PHC2: variants seen among roughly 807,000 people sequenced by gnomAD.
The protein encoded by PHC2 is polyhomeotic-like protein 2.
A neutral mutation model predicts 87.4 loss-of-function variants in PHC2; 29 were observed. The ratio of observed to expected loss-of-function variants is 0.33; its 90% confidence interval spans 0.25 to 0.45. The LOEUF is 0.45. PHC2 is among the 20% of genes least tolerant of loss of function. PHC2 has a pLI of 1.00. For missense variants in PHC2, 857 were observed against 1,136.7 expected, an observed-to-expected ratio of 0.75 and a Z score of 3.54; for synonymous variants, 438 against 461.7, an observed-to-expected ratio of 0.95 and a Z score of 0.66.
In PHC2 at chr1:33,337,947, T is replaced by C. The variant is rs560297345; in HGVS notation, c.1559-3655A>G. 1.4e-4 allele frequency among the ~76,000 whole-genome samples: 22 copies of C among 152,358 alleles called. No individual in the cohort carries two copies. In the East Asian group the frequency reaches 3.7e-3, roughly 25 times the overall value. The stretch of plus-strand genomic sequence containing the variant: ...GGTAGAAAGTATTAATTCCCTTGTT[T>C]CAGTTTAATGAATTCTTCCATGGAA... On this transcript the variant is annotated intron_variant, in intron 9 of 14. Transcript: ENST00000683057.
rs746495512 is a variant in PHC2 at position 33,331,338 on chromosome 1, G to A, written c.2006+10C>T. The A allele has an allele frequency of 3.4e-6, 5 of 1,469,648 alleles. No homozygotes were observed. Among genetic ancestry groups the A allele is most frequent in the African/African-American group, 1.4e-5 (1 of 72,106 alleles). The allele number at this position is 1,469,648 out of a possible 1,614,324, so 91.0% of individuals were successfully genotyped here. ...GTCCTGGGGAAATGGAGGGGGCTGG[G>A]GCCACTCACCTCTTTGCACAAGCCA... On this transcript the variant is annotated intron_variant, in intron 12 of 14. Transcript: ENST00000683057. This position sits in a 1 kb window ranked among gnomAD's most constrained non-coding sequence, Gnocchi z 5.2.
intron 1 of PHC2, among the ~76,000 whole-genome samples, chr1:33,398,537 T>C (rs1002837555): frequency 5.3e-5 from 8 of 152,210 alleles, no homozygotes; most frequent in Non-Finnish European, 1.0e-4. Context: ...ATCCTTTTCT[T>C]TATTTTCCAA....
chr1:33,409,396 CT>C (rs1255708089), intron 1 of PHC2, among the ~76,000 whole-genome samples: 1 of 151,734 alleles, frequency 6.6e-6, no homozygotes, highest in Admixed American at 6.6e-5. Flanking sequence ...GTAACAAGAT[CT>C]TTTTTTAAAT....
rs1041955904 is a variant in PHC2, at chr1:33,391,681, T to G, written c.-54-16088A>C. 3.3e-5 allele frequency among the ~76,000 whole-genome samples: 5 copies of G among 151,674 alleles called. 1 individual carries two copies. The highest frequency in any genetic ancestry group is 1.2e-4 in the African/African-American group (5 of 41,352). ...AAAAAAAAAAAGGCAGTGCTTCTAT[T>G]TTATCATTTAAATTAAATGCCTTCT... On this transcript the variant is annotated intron_variant, in intron 1 of 14. Coordinates refer to ENST00000683057, the MANE Select transcript of PHC2 (RefSeq NM_001385109.1).
rs377578946 is a variant in PHC2, at chr1:33,402,558, CA to C, written c.-54-26966del. Reference sequence around the variant, plus strand: ...AACTGGAAATGACCCAAATACCAATCAAAAGCAGAATGTAAAAATACATTAT... The same window carrying C: ...AACTGGAAATGACCCAAATACCAATCAAAGCAGAATGTAAAAATACATTAT... On this transcript the variant is annotated intron_variant, in intron 1 of 14. Transcript: ENST00000683057. Among the ~76,000 whole-genome samples the C allele has an allele frequency of 3.2e-4, 49 of 152,130 alleles. No homozygotes were observed. The East Asian group carries it at 7.0e-3, about 22-fold the overall frequency.
intron 1 of PHC2, among the ~76,000 whole-genome samples, chr1:33,389,429 ACTC>A (rs1234030371): frequency 4.6e-5 from 7 of 151,704 alleles, no homozygotes; most frequent in African/African-American, 1.7e-4. Context: ...TCCTTTCTCT[ACTC>A]CTTTCCTCCA....
At chr1:33,414,866 G>A (rs893581810) in intron 1 of PHC2, among the ~76,000 whole-genome samples, 7 of 152,158 alleles carry the variant, frequency 4.6e-5, no homozygotes, top group African/African-American at 1.7e-4. Flanking sequence ...CAATATGTAA[G>A]TTCTCTAAAA....
chr1:33,415,333 T>C (rs149737553), intron 1 of PHC2, among the ~76,000 whole-genome samples: 1 of 152,144 alleles, frequency 6.6e-6, no homozygotes, highest in East Asian at 1.9e-4. Context: ...GGGCTGTAAA[T>C]AGTTTGTGTT....
rs1381144866 is a variant in PHC2, at chr1:33,331,656, G to GC, written c.1892-195dup. 1 of 482,120 alleles carries GC rather than the reference G, an allele frequency of 2.1e-6. No homozygotes were observed. Among genetic ancestry groups the GC allele is most frequent in the Non-Finnish European group, 3.7e-6 (1 of 272,836 alleles). The allele number at this position is 482,120 out of a possible 1,614,324, so 29.9% of individuals were successfully genotyped here. A position where few individuals can be genotyped will look rare whatever the true frequency, so the allele number is the denominator to read the frequency against. On this transcript the variant is annotated intron_variant, in intron 11 of 14. Coordinates refer to ENST00000683057, the MANE Select transcript of PHC2 (RefSeq NM_001385109.1). This position sits in a 1 kb window ranked among gnomAD's most constrained non-coding sequence, Gnocchi z 5.2. Reference sequence around the variant, plus strand: ...AATGCACTCAAGGGTGTCTGGGGATGCCCCTTGTAGACTTGACATTTTTTT... The same window carrying GC: ...AATGCACTCAAGGGTGTCTGGGGATGCCCCCTTGTAGACTTGACATTTTTTT...
At position 33,332,247 on chromosome 1, in the gene PHC2, C is replaced by G; in HGVS notation, c.1891+28G>C. The G allele has an allele frequency of 1.2e-6, 2 of 1,613,782 alleles. No individual in the cohort carries two copies. Among genetic ancestry groups the G allele is most frequent in the Non-Finnish European group, 1.7e-6 (2 of 1,179,736 alleles). On this transcript the variant is annotated intron_variant, in intron 11 of 14. Coordinates refer to ENST00000683057, the MANE Select transcript of PHC2 (RefSeq NM_001385109.1). The surrounding 1 kb of genome is among the most constrained non-coding windows in gnomAD (Gnocchi z 4.2). The stretch of plus-strand genomic sequence containing the variant: ...TGCCTTTCCAGCCACGCTGGGAGGC[C>G]GAGAGATTCAGGGTCTGAGATGCCC...
intron 1 of PHC2, among the ~76,000 whole-genome samples, chr1:33,399,134 C>T (rs896467407): frequency 2.0e-5 from 3 of 152,160 alleles, no homozygotes; most frequent in Non-Finnish European, 4.4e-5. Context: ...GGATCCACCT[C>T]TGTCCTGCAT....
chr1:33,357,913 G>T (rs972240586), intron 7 of PHC2, among the ~76,000 whole-genome samples: 1 of 152,222 alleles, frequency 6.6e-6, no homozygotes, highest in African/African-American at 2.4e-5. Context: ...GGCTGCCTAT[G>T]TGAGGTGGGA....
At chr1:33,330,496 C>G (rs1646467322) in intron 12 of PHC2, among the ~76,000 whole-genome samples, 1 of 152,172 alleles carries the variant, frequency 6.6e-6, no homozygotes, top group South Asian at 2.1e-4. Context: ...GGACTTGGAC[C>G]AGGGCGAAAG....
intron 1 of PHC2, among the ~76,000 whole-genome samples, chr1:33,378,658 TTC>T: frequency 6.6e-6 from 1 of 152,228 alleles, no homozygotes; most frequent in Non-Finnish European, 1.5e-5. Flanking sequence ...TCTAGTCATA[TTC>T]TGACCTTCCC....
intron 1 of PHC2, among the ~76,000 whole-genome samples, chr1:33,387,865 G>A (rs1302493101): frequency 3.9e-5 from 6 of 152,208 alleles, no homozygotes; most frequent in African/African-American, 9.6e-5. Flanking sequence ...CCGCAGCAGC[G>A]TCAGTCTAAG....
chr1:33,356,265 A>ATATATG (rs1647075096), intron 7 of PHC2, among the ~76,000 whole-genome samples: 1 of 89,582 alleles, frequency 1.1e-5, no homozygotes, highest in Non-Finnish European at 2.4e-5. Context: ...ATATATATAT[A>ATATATG]TATATATATA....
In PHC2 at chr1:33,334,350, C is replaced by T. The variant is rs1024526516; in HGVS notation, c.1559-58G>A. ...GGAGATCAGAACCAGAGTCCACGCC[C>T]AGGGAGGGACAGCAAGGACTCAAAC... On this transcript the variant is annotated intron_variant, in intron 9 of 14. Coordinates refer to ENST00000683057, the MANE Select transcript of PHC2 (RefSeq NM_001385109.1). The surrounding 1 kb of genome is among the most constrained non-coding windows in gnomAD (Gnocchi z 5.5). The T allele has an allele frequency of 1.3e-6, 2 of 1,495,590 alleles. No homozygotes were observed. Among genetic ancestry groups the T allele is most frequent in the African/African-American group, 1.4e-5 (1 of 72,068 alleles). 92.6% of individuals were successfully genotyped at this position (1,495,590 alleles called of 1,614,324 possible).
At chr1:33,378,619 GT>G (rs1648301297) in intron 1 of PHC2, among the ~76,000 whole-genome samples, 1 of 152,170 alleles carries the variant, frequency 6.6e-6, no homozygotes, top group South Asian at 2.1e-4. Context: ...TGTGAGTGTA[GT>G]TAATCATACT....
chr1:33,402,464 C>T (rs189410130), intron 1 of PHC2, among the ~76,000 whole-genome samples: 1,736 of 152,144 alleles, frequency 0.011, 36 homozygotes, highest in African/African-American at 0.04. Flanking sequence ...AAAACTCTTG[C>T]ACATATTCAT....
Sources: allele counts gnomAD v4.1 joint callset (sites outside exome capture counted in the v4.1 genomes callset), GRCh38; gene constraint gnomAD v4.1.1; non-coding constraint Gnocchi (gnomAD v3.1); transcripts MANE v1.5; gene names NCBI Gene and HGNC (gene_info 2026-07-23, HGNC 2026-07-21).